SPINK5: variants seen among roughly 807,000 people sequenced by gnomAD.
SPINK5 encodes the protein serine peptidase inhibitor Kazal type 5, also known as serine protease inhibitor Kazal-type 5.
In SPINK5, 125 loss-of-function variants were observed where a neutral mutation model predicts 151.8. The observed-to-expected ratio is 0.82, with a 90% CI of 0.71 to 0.96. The LOEUF (loss-of-function observed/expected upper bound fraction) is 0.96, where lower values mean the gene tolerates loss of function less well. Ranked by LOEUF, SPINK5 falls within the 40% of genes least tolerant of loss-of-function variation. The pLI is 0.00. For synonymous variants in SPINK5, 374 were observed against 395.3 expected, an observed-to-expected ratio of 0.95 and a Z score of 0.64; for missense variants, 1,194 against 1,291.9, an observed-to-expected ratio of 0.92 and a Z score of 1.16.
chr5:148,133,983 G>T lies in SPINK5; in HGVS notation c.3186+96G>T, dbSNP rs1754639060. 3 of 1,312,224 alleles carry T rather than the reference G, an allele frequency of 2.3e-6. No individual in the cohort carries two copies. In the South Asian group the frequency reaches 3.6e-5, roughly 16 times the overall value. The allele number at this position is 1,312,224 out of a possible 1,614,324, so 81.3% of individuals were successfully genotyped here. A position where few individuals can be genotyped will look rare whatever the true frequency, so the allele number is the denominator to read the frequency against. On this transcript the variant is annotated intron_variant, in intron 32 of 32. Coordinates refer to ENST00000256084, the MANE Select transcript of SPINK5 (RefSeq NM_006846.4). ...CCACTGAGTAATGGACATTTATCTG[G>T]CCAGAGAGGTGACACTAGGTCAGGT... is the stretch of plus-strand genomic sequence containing the variant.
intron 3 of SPINK5, 139 bp from the exon 4 acceptor site, chr5:148,072,009 A>G (rs17718511): frequency 0.043 from 31,385 of 733,196 alleles, 1,108 homozygotes; most frequent in East Asian, 0.16. Context: ...TTCTGTGTCC[A>G]CTTCTGAACA....
chr5:148,086,630 A>G, intron 5 of SPINK5, 98 bp downstream of exon 5: 2 of 1,493,038 alleles, frequency 1.3e-6, no homozygotes, highest in South Asian at 2.5e-5. Flanking sequence ...ACGATTCATT[A>G]TGTGGGAGTT....
rs775524095 is a variant in SPINK5, at chr5:148,118,967, T to C, written c.2241-19T>C. ...CAATATTTGTTAACAAGATGAATATTCACTTTTTTCTCCTCCAGGGAAAGA... is the reference window on the plus strand; with the variant it reads ...CAATATTTGTTAACAAGATGAATATCCACTTTTTTCTCCTCCAGGGAAAGA... On this transcript the variant is annotated intron_variant, in intron 23 of 32. Transcript: ENST00000256084. The C allele has an allele frequency of 1.2e-6, 2 of 1,612,712 alleles. No individual in the cohort carries two copies. The highest frequency in any genetic ancestry group is 1.7e-6 in the Non-Finnish European group (2 of 1,178,946).
chr5:148,083,711 C>G (rs1012659043), intron 4 of SPINK5, among the ~76,000 whole-genome samples: 1 of 151,388 alleles, frequency 6.6e-6, no homozygotes, highest in Admixed American at 6.6e-5. Context: ...TTGCTTTTCT[C>G]TTTTATTCTT....
intron 2 of SPINK5, among the ~76,000 whole-genome samples, chr5:148,069,491 A>AAG (rs1301648373): frequency 6.6e-6 from 1 of 151,928 alleles, no homozygotes; most frequent in Non-Finnish European, 1.5e-5. Context: ...AAGAGAGAGA[A>AAG]AGAGAGAGAA....
intron 2 of SPINK5, among the ~76,000 whole-genome samples, chr5:148,068,578 A>AAAAGAAAGAAAGAAAGAAAGAAAG (rs1554101970): frequency 2.7e-5 from 2 of 74,392 alleles, no homozygotes; most frequent in Admixed American, 1.9e-4. Flanking sequence ...AAAAAAAAAA[A>AAAAGAAAGAAAGAAAGAAAGAAAG]AAAGAAAGAA....
At chr5:148,078,796 A>G (rs746136822) in intron 4 of SPINK5, among the ~76,000 whole-genome samples, 1 of 150,792 alleles carries the variant, frequency 6.6e-6, no homozygotes, top group African/African-American at 2.4e-5. Context: ...CTTTCTAGAG[A>G]TTTAAATGGC....
chr5:148,119,112 G>A, intron 24 of SPINK5, 54 bp downstream of exon 24: 1 of 1,531,782 alleles, frequency 6.5e-7, no homozygotes, highest in Admixed American at 1.7e-5. Context: ...GTCAGCAGTT[G>A]GCGATCAAAA....
At chr5:148,136,063 G>A (rs1023313145) in intron 32 of SPINK5, among the ~76,000 whole-genome samples, 1 of 152,014 alleles carries the variant, frequency 6.6e-6, no homozygotes, top group African/African-American at 2.4e-5. Flanking sequence ...AAGTCCCTTA[G>A]TATAATATCT....
chr5:148,125,875 C>T (rs1447741277), intron 29 of SPINK5, 25 bp downstream of exon 29: 2 of 1,613,992 alleles, frequency 1.2e-6, no homozygotes, highest in African/African-American at 2.7e-5. Context: ...TCTGCTCCCC[C>T]TGTAGCTAGC....
chr5:148,108,636 T>A, intron 17 of SPINK5, 117 bp from the exon 18 acceptor site: 1 of 1,447,686 alleles, frequency 6.9e-7, no homozygotes, highest in Non-Finnish European at 9.5e-7. Flanking sequence ...ACTAGATAAA[T>A]TTGTATTGAA....
Position 148,112,973 on chromosome 5 carries a change from A to T in SPINK5, c.1887+39A>T, listed in dbSNP as rs756637771. The T allele has an allele frequency of 6.8e-6, 11 of 1,610,842 alleles. No individual in the cohort carries two copies. The Admixed American group carries it at 1.5e-4, about 22-fold the overall frequency. ...ATGTTTATACTGCAATGAAAGGATG[A>T]GATTTTGCAGTATCTCTGTAAAAAT... On this transcript the variant is annotated intron_variant, in intron 20 of 32. Transcript: ENST00000256084.
Position 148,137,034 on chromosome 5 carries a change from G to A in SPINK5, c.*43G>A. 6.2e-7 allele frequency: 1 copy of A among 1,612,126 alleles called. No homozygotes were observed. Among genetic ancestry groups the A allele is most frequent in the Non-Finnish European group, 8.5e-7 (1 of 1,178,358 alleles). ...GCCATGAGGGAAAAAATAAACCCCA[G>A]TTCTGAATCACCTACCTTCACCATC... On this transcript the variant is annotated 3_prime_UTR_variant, in exon 33 of 33. Coordinates refer to ENST00000256084, the MANE Select transcript of SPINK5 (RefSeq NM_006846.4).
chr5:148,118,951 T>TTAACAAGA, intron 23 of SPINK5, 35 bp from the exon 24 acceptor site: 1 of 1,606,876 alleles, frequency 6.2e-7, no homozygotes, highest in South Asian at 1.1e-5. Flanking sequence ...TCAATATTTG[T>TTAACAAGA]TAACAAGATG....
chr5:148,112,987 C>A (rs1158746146), intron 20 of SPINK5, 53 bp downstream of exon 20: 1 of 1,605,944 alleles, frequency 6.2e-7, no homozygotes, highest in African/African-American at 1.3e-5. Context: ...TTTGCAGTAT[C>A]TCTGTAAAAA....
At chr5:148,122,969 G>A (rs760276103) in intron 26 of SPINK5, among the ~76,000 whole-genome samples, 13 of 147,892 alleles carry the variant, frequency 8.8e-5, no homozygotes, top group Non-Finnish European at 1.5e-4. Flanking sequence ...TCATTCCAGG[G>A]CTTTTGAAGT....
At chr5:148,125,552 C>T (rs369141809) in intron 28 of SPINK5, 171 bp from the exon 29 acceptor site, 9 of 1,613,780 alleles carry the variant, frequency 5.6e-6, no homozygotes, top group African/African-American at 4.0e-5. Context: ...CAGAATGAAG[C>T]GGAGGATGCA....
chr5:148,102,418 TGA>T (rs1753671695), intron 15 of SPINK5, among the ~76,000 whole-genome samples: 1 of 152,132 alleles, frequency 6.6e-6, no homozygotes, highest in Non-Finnish European at 1.5e-5. Context: ...ATAAGTATCA[TGA>T]GACAACTATG....
intron 2 of SPINK5, among the ~76,000 whole-genome samples, chr5:148,068,554 C>CAAAAAAA (rs1166912306): frequency 6.7e-5 from 6 of 89,228 alleles, no homozygotes; most frequent in Admixed American, 1.2e-4. Flanking sequence ...CCTGCCTCTC[C>CAAAAAAA]AAAAAAAAAA....
Sources: gnomAD v4.1 joint callset for allele counts (sites outside exome capture counted in the v4.1 genomes callset) on GRCh38, gnomAD v4.1.1 for gene constraint, MANE v1.5 for transcripts, NCBI Gene and HGNC (gene_info 2026-07-23, HGNC 2026-07-21) for gene names.